RPS6KA2: variants seen among roughly 807,000 people sequenced by gnomAD.
RPS6KA2 encodes the protein ribosomal protein S6 kinase A2.
Under a neutral mutation model 91.8 loss-of-function variants are expected in RPS6KA2, and 42 were observed. The observed-to-expected ratio is 0.46, with a 90% CI of 0.36 to 0.59. The LOEUF (loss-of-function observed/expected upper bound fraction) is 0.59, where lower values mean the gene tolerates loss of function less well. Ranked by LOEUF, RPS6KA2 falls within the 20% of genes least tolerant of loss-of-function variation. The pLI is 0.00. For synonymous variants in RPS6KA2, 414 were observed against 393.6 expected (o/e 1.05, Z -0.61); for missense variants, 798 against 978.5 (o/e 0.82, Z 2.46).
At chr6:166,832,796 A>T (rs1000835340) in intron 2 of RPS6KA2, among the ~76,000 whole-genome samples, 2 of 152,216 alleles carry the variant, frequency 1.3e-5, no homozygotes, top group African/African-American at 4.8e-5. Flanking sequence ...AGTATATTTA[A>T]ATGTCATTTT....
At chr6:166,764,618 T>C (rs74999245) in intron 2 of RPS6KA2, among the ~76,000 whole-genome samples, 7,253 of 152,126 alleles carry the variant, frequency 0.048, 393 homozygotes, top group African/African-American at 0.13. Flanking sequence ...TCAGGGTCCC[T>C]GTCACTGACC....
At chr6:166,773,264 G>C (rs901542526) in intron 2 of RPS6KA2, among the ~76,000 whole-genome samples, 5 of 152,232 alleles carry the variant, frequency 3.3e-5, no homozygotes, top group African/African-American at 1.2e-4. Flanking sequence ...GAGGAGAGGG[G>C]GAAGAGGGGT....
chr6:166,728,321 A>G (rs994765542), intron 2 of RPS6KA2, among the ~76,000 whole-genome samples: 2 of 152,208 alleles, frequency 1.3e-5, no homozygotes, highest in African/African-American at 4.8e-5. Flanking sequence ...GCAGAGACCC[A>G]GGTTCCACGT....
At chr6:166,692,330 G>A (rs1300712510) in intron 2 of RPS6KA2, among the ~76,000 whole-genome samples, 3 of 152,016 alleles carry the variant, frequency 2.0e-5, no homozygotes, top group African/African-American at 7.3e-5. Context: ...AACTAAAATC[G>A]CCCCCTACTG....
intron 2 of RPS6KA2, among the ~76,000 whole-genome samples, chr6:166,804,300 A>G (rs1029017147): frequency 1.3e-5 from 2 of 152,130 alleles, no homozygotes; most frequent in African/African-American, 2.4e-5. Flanking sequence ...AGCATTATAT[A>G]TTTATCTGTA....
intron 3 of RPS6KA2, among the ~76,000 whole-genome samples, chr6:166,519,633 C>T (rs1472908172): frequency 6.6e-6 from 1 of 152,142 alleles, no homozygotes; most frequent in African/African-American, 2.4e-5. Context: ...ACAGGTTCAC[C>T]CCACTGTGAA....
intron 3 of RPS6KA2, among the ~76,000 whole-genome samples, chr6:166,514,019 GAGT>G (rs978456958): frequency 1.3e-5 from 2 of 152,208 alleles, no homozygotes; most frequent in African/African-American, 4.8e-5. Flanking sequence ...GTGCTGGTCA[GAGT>G]AGTTTTTCTT....
intron 2 of RPS6KA2, among the ~76,000 whole-genome samples, chr6:166,824,007 T>G (rs939956790): frequency 9.9e-5 from 15 of 152,158 alleles, no homozygotes; most frequent in Admixed American, 6.5e-4. Context: ...GTGAATTCCA[T>G]TCAATAATTC....
At chr6:166,761,931 G>T (rs954670882) in intron 2 of RPS6KA2, among the ~76,000 whole-genome samples, 53 of 152,210 alleles carry the variant, frequency 3.5e-4, no homozygotes, top group Admixed American at 3.1e-3. Context: ...CCCAGGGAGG[G>T]TAAAGCTCCA....
At chr6:166,480,202 G>A (rs1053013174) in intron 10 of RPS6KA2, among the ~76,000 whole-genome samples, 5 of 151,960 alleles carry the variant, frequency 3.3e-5, no homozygotes, top group African/African-American at 1.2e-4. Context: ...CTCTCCCATC[G>A]CCAACAGTGA....
intron 2 of RPS6KA2, among the ~76,000 whole-genome samples, chr6:166,683,657 T>A (rs1183367350): frequency 1.3e-5 from 2 of 152,238 alleles, no homozygotes; most frequent in Non-Finnish European, 2.9e-5. Flanking sequence ...GAAATCAATG[T>A]CTCTGGATAA....
chr6:166,628,207 C>CT (rs201978488), upstream of RPS6KA2, among the ~76,000 whole-genome samples: 891 of 151,676 alleles, frequency 5.9e-3, 8 homozygotes, highest in African/African-American at 0.017. Flanking sequence ...AAGGGAAACA[C>CT]TTTTTTCTTT....
rs550111040 is a variant in RPS6KA2, at chr6:166,533,442, G to C, written c.217-2129C>G. Reference sequence around the variant, plus strand: ...CTGGGTCCCAAAAAAGTCGGAGGGGGTGTGGAACAAGGGACAGTTGTGTTT... The same window carrying C: ...CTGGGTCCCAAAAAAGTCGGAGGGGCTGTGGAACAAGGGACAGTTGTGTTT... On this transcript the variant is annotated intron_variant, in intron 2 of 20. Coordinates refer to ENST00000265678, the MANE Select transcript of RPS6KA2 (RefSeq NM_021135.6). This position sits in a 1 kb window ranked among gnomAD's most constrained non-coding sequence, Gnocchi z 4.0. Among the ~76,000 whole-genome samples, 7 of 152,370 alleles carry C rather than the reference G, an allele frequency of 4.6e-5. No homozygotes were observed. In the East Asian group the frequency reaches 1.2e-3, roughly 25 times the overall value.
chr6:166,605,374 G>A (rs139707051), intron 1 of RPS6KA2, among the ~76,000 whole-genome samples: 36 of 152,220 alleles, frequency 2.4e-4, no homozygotes, highest in African/African-American at 7.0e-4. Flanking sequence ...GGGTGGTCAC[G>A]TAGCCTAAAA....
chr6:166,508,216 C>G lies in RPS6KA2; in HGVS notation c.446G>C (p.Arg149Pro), dbSNP rs757197437. 1 of 1,611,814 alleles carries G rather than the reference C, an allele frequency of 6.2e-7. No homozygotes were observed. Among genetic ancestry groups the G allele is most frequent in the African/African-American group, 1.3e-5 (1 of 74,842 alleles). The stretch of plus-strand genomic sequence containing the variant: ...GCGGCTGCTCACCTCTTTGGAGAGC[C>G]GGGTGAAGAGGTCCCCTCCCCGCAG... ...DFLRGGDLFTRLSKEVMFTEE... is the reference protein window; with the variant it reads ...DFLRGGDLFTPLSKEVMFTEE... The change falls in exon 5 of 21, where the codon CGG becomes CCG. Residue 149 changes from arginine (R) to proline (P), a missense_variant. Physicochemically the swap from Arg to Pro is moderately radical, Grantham distance 103. Coordinates refer to ENST00000265678, the MANE Select transcript of RPS6KA2 (RefSeq NM_021135.6). The surrounding 1 kb of genome is among the most constrained non-coding windows in gnomAD (Gnocchi z 4.3).
intron 2 of RPS6KA2, among the ~76,000 whole-genome samples, chr6:166,699,005 G>A (rs2128574645): frequency 6.6e-6 from 1 of 152,338 alleles, no homozygotes; most frequent in Non-Finnish European, 1.5e-5. Context: ...GGAGGATGTG[G>A]AAGATGCCGA....
At chr6:166,775,903 C>T (rs991501590) in intron 2 of RPS6KA2, among the ~76,000 whole-genome samples, 3 of 152,160 alleles carry the variant, frequency 2.0e-5, no homozygotes, top group Admixed American at 6.5e-5. Context: ...ATAATGTCCT[C>T]GCGATGGAGG....
intron 1 of RPS6KA2, among the ~76,000 whole-genome samples, chr6:166,600,664 T>C (rs1043633456): frequency 4.0e-5 from 6 of 149,552 alleles, no homozygotes; most frequent in African/African-American, 7.3e-5. Flanking sequence ...AAAACACTAA[T>C]TCTTTTAACA....
chr6:166,834,183 C>T (rs1216290993), intron 2 of RPS6KA2, among the ~76,000 whole-genome samples: 2 of 152,192 alleles, frequency 1.3e-5, no homozygotes, highest in East Asian at 1.9e-4. Context: ...TTATTTCACA[C>T]CTTTGTCAGC....
Sources: allele counts gnomAD v4.1 joint callset (sites outside exome capture counted in the v4.1 genomes callset), GRCh38; gene constraint gnomAD v4.1.1; non-coding constraint Gnocchi (gnomAD v3.1); transcripts MANE v1.5; gene names NCBI Gene and HGNC (gene_info 2026-07-23, HGNC 2026-07-21).